The following CLCA4 variants were observed in gnomAD, a reference collection of about 807,000 sequenced individuals.
CLCA4 encodes the protein chloride channel accessory 4, also known as calcium-activated chloride channel regulator 4.
In CLCA4, 69 loss-of-function variants were observed where a neutral mutation model predicts 78.9. The ratio of observed to expected loss-of-function variants is 0.87; its 90% CI spans 0.72 to 1.07. The LOEUF (loss-of-function observed/expected upper bound fraction) is 1.07, where lower values mean the gene tolerates loss of function less well. Among genes scored for constraint, CLCA4 ranks in the 50% least tolerant of loss-of-function variants. CLCA4 has a pLI of 0.00. For synonymous variants in CLCA4, 362 were observed against 375.8 expected, an observed-to-expected ratio of 0.96 and a Z score of 0.42; for missense variants, 1,133 against 1,095.8, an observed-to-expected ratio of 1.03 and a Z score of -0.48.
rs372874690 is a variant in CLCA4 at position 86,575,490 on chromosome 1, C to T, written c.1842C>T (p.Tyr614=). 49 of 1,613,436 alleles carry T rather than the reference C, an allele frequency of 3.0e-5. No individual in the cohort carries two copies. Among genetic ancestry groups the T allele is most frequent in the Middle Eastern group, 1.7e-4 (1 of 6,056 alleles). ...VNSFPSPMIV[Y]AEILQGYVPV... Reference sequence around the variant, plus strand: ...GTTTCCCCAGCCCAATGATTGTTTACGCAGAAATTCTACAAGGATATGTAC... The same window carrying T: ...GTTTCCCCAGCCCAATGATTGTTTATGCAGAAATTCTACAAGGATATGTAC... Residue 614 remains tyrosine, a synonymous_variant, in exon 11 of 14, where the codon TAC becomes TAT. Transcript: ENST00000370563.
rs577802302 is a variant in CLCA4, at chr1:86,567,664, C to T, written c.1182+13C>T. 43 of 1,599,908 alleles carry T rather than the reference C, an allele frequency of 2.7e-5. 1 individual carries two copies. The South Asian group carries it at 4.2e-4, about 16-fold the overall frequency. ...ATATGCATTTCAGGTGAAAATCGTA[C>T]TGCAAATATATTTTGGTTTTTGTTT... is the stretch of plus-strand genomic sequence containing the variant. On this transcript the variant is annotated intron_variant, in intron 7 of 13. Coordinates refer to ENST00000370563, the MANE Select transcript of CLCA4 (RefSeq NM_012128.4).
chr1:86,577,920 A>G lies in CLCA4; in HGVS notation c.1970A>G (p.Asn657Ser), dbSNP rs1195684015. ...DNGAGADSFK[N>S]DGVYSRYFTA... is the part of the protein sequence containing the mutation. ...TAACAAGGCGCTGATTCTTTCAAGAATGATGGAGTCTACTCCAGGTATTTT... is the reference window on the plus strand; with the variant it reads ...TAACAAGGCGCTGATTCTTTCAAGAGTGATGGAGTCTACTCCAGGTATTTT... The change falls in exon 12 of 14, where the codon AAT becomes AGT. Residue 657 changes from asparagine (N) to serine (S), a missense_variant. Coordinates refer to ENST00000370563, the MANE Select transcript of CLCA4 (RefSeq NM_012128.4). 6.2e-7 allele frequency: 1 copy of G among 1,611,418 alleles called. No individual in the cohort carries two copies. Among genetic ancestry groups the G allele is most frequent in the Non-Finnish European group, 8.5e-7 (1 of 1,178,806 alleles).
Position 86,563,684 on chromosome 1 carries a change from G to A in CLCA4, c.472G>A (p.Ala158Thr). The A allele has an allele frequency of 1.3e-6, 2 of 1,596,088 alleles. No individual in the cohort carries two copies. Among genetic ancestry groups the A allele is most frequent in the Non-Finnish European group, 8.5e-7 (1 of 1,170,132 alleles). The change falls in exon 4 of 14, where the codon GCT becomes ACT. Residue 158 changes from alanine to threonine, a missense_variant. Transcript: ENST00000370563. ...AGGCAAACTGTTTGTCCATGAGTGGGCTCACCTCCGGTGGGGAGTGTTTGA... is the reference window on the plus strand; with the variant it reads ...AGGCAAACTGTTTGTCCATGAGTGGACTCACCTCCGGTGGGGAGTGTTTGA... ...PPGKLFVHEW[A>T]HLRWGVFDEY...
Position 86,569,584 on chromosome 1 carries a change from A to C in CLCA4, c.1183-1493A>C, listed in dbSNP as rs866238806. Among the ~76,000 whole-genome samples the C allele has an allele frequency of 5.9e-5, 9 of 152,160 alleles. 1 individual carries two copies. The South Asian group carries it at 6.2e-4, about 11-fold the overall frequency. On this transcript the variant is annotated intron_variant, in intron 7 of 13. Transcript: ENST00000370563. ...TAAATTGTAGGCAGTAAAAGTGGTA[A>C]TAGGAAGACATTTTGGGAGCTTGGA...
chr1:86,557,810 T>C (rs938319233), intron 1 of CLCA4, among the ~76,000 whole-genome samples: 11 of 152,100 alleles, frequency 7.2e-5, no homozygotes, highest in African/African-American at 2.7e-4. Flanking sequence ...TATTATTGAG[T>C]GGGAGTCTAT....
chr1:86,554,469 T>C (rs1329642176), intron 1 of CLCA4, among the ~76,000 whole-genome samples: 1 of 152,184 alleles, frequency 6.6e-6, no homozygotes, highest in Non-Finnish European at 1.5e-5. Flanking sequence ...TTCACCATGT[T>C]GCACAGGCTG....
Position 86,559,966 on chromosome 1 carries a change from A to T in CLCA4, c.194A>T (p.Glu65Val). The change falls in exon 2 of 14, where the codon GAA becomes GTA. Residue 65 changes from glutamate to valine, a missense_variant. Coordinates refer to ENST00000370563, the MANE Select transcript of CLCA4 (RefSeq NM_012128.4). ...ACTACAGCTTCTACGTACCTGTTTG[A>T]AGCCACAGAAAAAAGATTTTTTTTC... ...MVTTASTYLF[E>V]ATEKRFFFKN... 2 of 1,603,834 alleles carry T rather than the reference A, an allele frequency of 1.2e-6. No homozygotes were observed. The highest frequency in any genetic ancestry group is 1.7e-6 in the Non-Finnish European group (2 of 1,176,414).
Position 86,565,873 on chromosome 1 carries a change from T to C in CLCA4, c.807T>C (p.Phe269=). The part of the protein sequence containing the change: ...APSLQNIKCN[F]RSTWEVISNS... The stretch of plus-strand genomic sequence containing the variant: ...GCCTACAAAACATAAAGTGCAATTT[T>C]AGAAGTACATGGGAGGTGATTAGCA... Residue 269 remains phenylalanine, a synonymous_variant, in exon 6 of 14, where the codon TTT becomes TTC. Transcript: ENST00000370563. The C allele has an allele frequency of 6.2e-7, 1 of 1,608,264 alleles. No individual in the cohort carries two copies. Among genetic ancestry groups the C allele is most frequent in the Non-Finnish European group, 8.5e-7 (1 of 1,176,604 alleles).
At chr1:86,555,720 T>C (rs1385638479) in intron 1 of CLCA4, among the ~76,000 whole-genome samples, 2 of 152,204 alleles carry the variant, frequency 1.3e-5, no homozygotes, top group Non-Finnish European at 1.5e-5. Context: ...ATAGTTTTTT[T>C]CTAGTGGTGT....
chr1:86,578,543 A>G (rs1360689083), intron 12 of CLCA4, among the ~76,000 whole-genome samples: 1 of 152,064 alleles, frequency 6.6e-6, no homozygotes, highest in East Asian at 1.9e-4. Flanking sequence ...CTTATAAGTG[A>G]GAACACGCAG....
chr1:86,552,579 C>T, intron 1 of CLCA4: 1 of 588,164 alleles, frequency 1.7e-6, no homozygotes. Context: ...GCTCACGTGT[C>T]CACGCGTCAG....
chr1:86,564,995 T>C (rs942388949), intron 4 of CLCA4, among the ~76,000 whole-genome samples: 2 of 152,062 alleles, frequency 1.3e-5, no homozygotes, highest in African/African-American at 4.8e-5. Context: ...GCAGGAGAGA[T>C]GTCTAAGCTT....
Position 86,559,766 on chromosome 1 carries a change from T to C in CLCA4, c.160-166T>C, listed in dbSNP as rs1271213987. ...TTCAACGTGCAGGAATAAGTGATGGTTTGGGGTTGACAGGTGGCAGAGTTA... is the reference window on the plus strand; with the variant it reads ...TTCAACGTGCAGGAATAAGTGATGGCTTGGGGTTGACAGGTGGCAGAGTTA... On this transcript the variant is annotated intron_variant, in intron 1 of 13. Coordinates refer to ENST00000370563, the MANE Select transcript of CLCA4 (RefSeq NM_012128.4). Among the ~76,000 whole-genome samples the C allele has an allele frequency of 2.0e-5, 3 of 152,164 alleles. No individual in the cohort carries two copies. The East Asian group carries it at 5.8e-4, about 29-fold the overall frequency.
intron 13 of CLCA4, 72 bp downstream of exon 13, chr1:86,579,659 G>T: frequency 2.0e-6 from 2 of 1,015,288 alleles, no homozygotes; most frequent in Non-Finnish European, 3.1e-6. Context: ...GTGTAAGGGT[G>T]GGTGGGGGGA....
chr1:86,563,821 T>C (rs1650095614), intron 4 of CLCA4, 52 bp downstream of exon 4: 1 of 961,158 alleles, frequency 1.0e-6, no homozygotes, highest in Non-Finnish European at 1.6e-6. Context: ...TCCATTCTTA[T>C]TTTCCTACTT....
rs74627414 is a variant in CLCA4, at chr1:86,561,001, G to A, written c.448+643G>A. 4.1e-3 allele frequency among the ~76,000 whole-genome samples: 619 copies of A among 152,322 alleles called. 5 individuals carry two copies. Among genetic ancestry groups the A allele is most frequent in the African/African-American group, 0.013 (528 of 41,578 alleles). On this transcript the variant is annotated intron_variant, in intron 3 of 13. Transcript: ENST00000370563. The stretch of plus-strand genomic sequence containing the variant: ...ATTGTTAAAGGAGGGCTCTACACAT[G>A]TATCACTATTAAATGGGAACCTTGC...
chr1:86,551,025 G>A (rs1027053719), intron 1 of CLCA4, among the ~76,000 whole-genome samples: 1 of 151,806 alleles, frequency 6.6e-6, no homozygotes, highest in Non-Finnish European at 1.5e-5. Context: ...TAGAGACGGG[G>A]TTTCACCGTG....
At position 86,571,369 on chromosome 1, in the gene CLCA4, G is replaced by C. The variant is rs999695501; in HGVS notation, c.1360+115G>C. 3 of 971,858 alleles carry C rather than the reference G, an allele frequency of 3.1e-6. No homozygotes were observed. In the African/African-American group the frequency reaches 4.9e-5, roughly 16 times the overall value. The allele number at this position is 971,858 out of a possible 1,614,324, so 60.2% of individuals were successfully genotyped here. A position where few individuals can be genotyped will look rare whatever the true frequency, so the allele number is the denominator to read the frequency against. ...TTGGAGGCACTGAAGCTGGGGACCAGACCCAATCTCTGTTCTCGTGGCACT... is the reference window on the plus strand; with the variant it reads ...TTGGAGGCACTGAAGCTGGGGACCACACCCAATCTCTGTTCTCGTGGCACT... On this transcript the variant is annotated intron_variant, in intron 8 of 13. Coordinates refer to ENST00000370563, the MANE Select transcript of CLCA4 (RefSeq NM_012128.4).
At chr1:86,573,593 G>A (rs1650419908) in intron 9 of CLCA4, among the ~76,000 whole-genome samples, 1 of 151,920 alleles carries the variant, frequency 6.6e-6, no homozygotes, top group South Asian at 2.1e-4. Context: ...GAAGTTATGG[G>A]ATGTGAGCTT....
Sources: allele counts gnomAD v4.1 joint callset (sites outside exome capture counted in the v4.1 genomes callset), GRCh38; gene constraint gnomAD v4.1.1; transcripts MANE v1.5; gene names NCBI Gene and HGNC (gene_info 2026-07-23, HGNC 2026-07-21).